WDR19: variants seen among roughly 807,000 people sequenced by gnomAD.
The protein encoded by WDR19 is WD repeat domain 19, also known as WD repeat-containing protein 19.
A neutral mutation model predicts 180.0 loss-of-function variants in WDR19; 121 were observed. The observed-to-expected ratio is 0.67, with a 90% confidence interval of 0.58 to 0.78. The LOEUF is 0.78. Ranked by LOEUF, WDR19 falls within the 30% of genes least tolerant of loss-of-function variation. The pLI is 0.00. For synonymous variants in WDR19, 497 were observed against 540.7 expected (o/e 0.92, Z 1.12); for missense variants, 1,450 against 1,640.7 (o/e 0.88, Z 2.01).
At chr4:39,193,334 G>A (rs1726369207) in intron 4 of WDR19, among the ~76,000 whole-genome samples, 1 of 151,658 alleles carries the variant, frequency 6.6e-6, no homozygotes, top group African/African-American at 2.4e-5. Context: ...GCTAATTTTT[G>A]TATTTTTAGT....
chr4:39,226,208 T>C (rs1395136744), intron 15 of WDR19, among the ~76,000 whole-genome samples: 1 of 152,168 alleles, frequency 6.6e-6, no homozygotes. Context: ...AAATAGGGTG[T>C]AGCTGCTAGG....
chr4:39,248,375 C>G (rs572421967), intron 24 of WDR19, among the ~76,000 whole-genome samples: 1 of 152,170 alleles, frequency 6.6e-6, no homozygotes, highest in Non-Finnish European at 1.5e-5. Flanking sequence ...AAAGGAAGAA[C>G]CGGTACCAGC....
intron 1 of WDR19, among the ~76,000 whole-genome samples, chr4:39,182,779 C>T (rs1725077512): frequency 6.6e-6 from 1 of 152,006 alleles, no homozygotes; most frequent in Non-Finnish European, 1.5e-5. Flanking sequence ...GAGAGAGAGG[C>T]CTCTCGTTTT....
intron 21 of WDR19, 27 bp downstream of exon 21, chr4:39,240,361 C>A (rs1479925020): frequency 3.1e-6 from 4 of 1,305,010 alleles, no homozygotes; most frequent in East Asian, 3.0e-5. Context: ...ATAAGATATG[C>A]CTAATTATGT....
At chr4:39,253,378 C>A in intron 25 of WDR19, 86 bp downstream of exon 25, 2 of 1,380,380 alleles carry the variant, frequency 1.4e-6, no homozygotes, top group Non-Finnish European at 2.0e-6. Flanking sequence ...TATATTAATT[C>A]AAAAGGAATA....
At chr4:39,269,376 T>C (rs2109494576) in intron 30 of WDR19, among the ~76,000 whole-genome samples, 1 of 152,172 alleles carries the variant, frequency 6.6e-6, no homozygotes, top group South Asian at 2.1e-4. Flanking sequence ...ATGAGAAGCA[T>C]TCACAGTAGG....
chr4:39,284,331 A>ATTTTTTTTTTTTTTTTTTTTTTTTTTTTT (rs143848496), intron 36 of WDR19, among the ~76,000 whole-genome samples: 1 of 91,530 alleles, frequency 1.1e-5, no homozygotes. Context: ...AGTAAAAAAA[A>ATTTTTTTTTTTTTTTTTTTTTTTTTTTTT]TTTTTTTTTT....
chr4:39,269,365 G>A (rs1189180988), intron 30 of WDR19, among the ~76,000 whole-genome samples: 1 of 152,156 alleles, frequency 6.6e-6, no homozygotes, highest in East Asian at 1.9e-4. Flanking sequence ...AGAAGGAAAT[G>A]ATGAGAAGCA....
At chr4:39,267,573 T>C (rs1326494846) in intron 29 of WDR19, among the ~76,000 whole-genome samples, 2 of 152,260 alleles carry the variant, frequency 1.3e-5, no homozygotes, top group Non-Finnish European at 2.9e-5. Flanking sequence ...ATAAAAATTA[T>C]GGAAAGTTTG....
Position 39,185,789 on chromosome 4 carries a change from A to G in WDR19, c.70A>G (p.Thr24Ala), listed in dbSNP as rs1169495600. 1 of 1,556,920 alleles carries G rather than the reference A, an allele frequency of 6.4e-7. No individual in the cohort carries two copies. The highest frequency in any genetic ancestry group is 1.9e-5 in the Admixed American group (1 of 51,782). Residue 24 changes from threonine (T) to alanine (A), a missense_variant, in exon 2 of 37, where the codon ACA (threonine) becomes GCA (alanine). Thr to Ala is a moderately conservative substitution (Grantham distance 58, BLOSUM62 0). Transcript: ENST00000399820. ...ACCAATACAGTTTGCCTGGCAAAAA[A>G]CATCAGGAAACTACCTTGCAGTAAC... is the stretch of plus-strand genomic sequence containing the variant. ...GAPIQFAWQK[T>A]SGNYLAVTGA...
chr4:39,222,070 C>T (rs1465559282), intron 14 of WDR19, among the ~76,000 whole-genome samples: 2 of 152,212 alleles, frequency 1.3e-5, no homozygotes, highest in African/African-American at 4.8e-5. Context: ...CAGTTCCTCT[C>T]TGTCCTCACC....
chr4:39,220,870 ATTTTTT>A (rs34845614), intron 14 of WDR19, among the ~76,000 whole-genome samples: 21 of 60,632 alleles, frequency 3.5e-4, no homozygotes, highest in African/African-American at 9.8e-4. Flanking sequence ...CTGCTAATTA[ATTTTTT>A]TTTTTTTTTT....
intron 20 of WDR19, among the ~76,000 whole-genome samples, chr4:39,237,145 C>T (rs1414793326): frequency 6.6e-6 from 1 of 152,000 alleles, no homozygotes; most frequent in Non-Finnish European, 1.5e-5. Flanking sequence ...AAGTATAGTT[C>T]TAACATTTGA....
chr4:39,218,227 T>TA (rs2109332536), intron 14 of WDR19, 122 bp downstream of exon 14: 1 of 1,206,456 alleles, frequency 8.3e-7, no homozygotes, highest in Non-Finnish European at 1.2e-6. Flanking sequence ...TTAATGAAGT[T>TA]ATCTGTGATT....
chr4:39,275,339 CA>C (rs1225402757), intron 33 of WDR19: 10,311 of 106,298 alleles, frequency 0.097, 38 homozygotes, highest in South Asian at 0.16. Flanking sequence ...GACCCCATCT[CA>C]AAAAAAAAAA....
At chr4:39,214,847 A>G (rs1051367725) in intron 10 of WDR19, among the ~76,000 whole-genome samples, 176 bp downstream of exon 10, 3 of 149,626 alleles carry the variant, frequency 2.0e-5, no homozygotes, top group Non-Finnish European at 4.4e-5. Context: ...ATCTCTGCTC[A>G]CTGCAACCTC....
intron 9 of WDR19, 200 bp downstream of exon 9, chr4:39,205,936 G>A (rs1560491376): frequency 5.8e-6 from 3 of 521,396 alleles, no homozygotes; most frequent in East Asian, 3.4e-5. Flanking sequence ...AAATAAAATA[G>A]GTAGTTCTGG....
At chr4:39,185,981 C>T (rs1166957626) in intron 2 of WDR19, among the ~76,000 whole-genome samples, 164 bp downstream of exon 2, 2 of 151,716 alleles carry the variant, frequency 1.3e-5, no homozygotes, top group East Asian at 1.9e-4. Context: ...CTGCAACCTC[C>T]GCCTCCCAGG....
At chr4:39,277,344 T>C (rs1735999466) in intron 34 of WDR19, among the ~76,000 whole-genome samples, 3 of 152,242 alleles carry the variant, frequency 2.0e-5, no homozygotes, top group African/African-American at 7.2e-5. Flanking sequence ...GCACTATCAC[T>C]GCAGGACCAA....
Sources: gnomAD v4.1 joint callset for allele counts (sites outside exome capture counted in the v4.1 genomes callset) on GRCh38, gnomAD v4.1.1 for gene constraint, MANE v1.5 for transcripts, NCBI Gene and HGNC (gene_info 2026-07-23, HGNC 2026-07-21) for gene names.